Variants in IL1RAPL2 observed in about 807,000 individuals in gnomAD.
The protein encoded by IL1RAPL2 is X-linked interleukin-1 receptor accessory protein-like 2.
IL1RAPL2 carries 3 observed loss-of-function variants against 44.1 expected under a neutral mutation model. The ratio of observed to expected loss-of-function variants is 0.07; its 90% confidence interval spans 0.03 to 0.18. IL1RAPL2 has a LOEUF of 0.18. Ranked by LOEUF, IL1RAPL2 falls within the 10% of genes least tolerant of loss-of-function variation. The pLI is 1.00. For synonymous variants in IL1RAPL2, 181 were observed against 178.8 expected (o/e 1.01, Z -0.10); for missense variants, 391 against 496.4 (o/e 0.79, Z 2.02).
At chrX:105,030,732 CT>C (rs2031475991) in intron 2 of IL1RAPL2, among the ~76,000 whole-genome samples, 1 of 111,648 alleles carries the variant, frequency 9.0e-6, no homozygotes, top group South Asian at 3.7e-4. Context: ...AATGTGGGCT[CT>C]TTTTTGGTTC....
At chrX:104,715,692 A>AT (rs35422639) in intron 2 of IL1RAPL2, among the ~76,000 whole-genome samples, 1 of 107,146 alleles carries the variant, frequency 9.3e-6, no homozygotes, top group Non-Finnish European at 1.9e-5. Context: ...AAAAAAAAAA[A>AT]TAATAAAATA....
intron 2 of IL1RAPL2, among the ~76,000 whole-genome samples, chrX:104,976,928 C>G (rs901555550): frequency 4.7e-5 from 5 of 106,715 alleles, no homozygotes; most frequent in Non-Finnish European, 9.7e-5. Flanking sequence ...GCAAACAAAA[C>G]ATGCATTTTA....
chrX:105,242,719 A>T (rs2034181715), intron 4 of IL1RAPL2, among the ~76,000 whole-genome samples: 2 of 111,928 alleles, frequency 1.8e-5, no homozygotes, highest in Non-Finnish European at 3.8e-5. Context: ...AAAGACAAAA[A>T]CAAAACAAAA....
In IL1RAPL2 at chrX:104,986,308, G is replaced by A. The variant is rs754281811; in HGVS notation, c.83-209167G>A. Among the ~76,000 whole-genome samples the A allele has an allele frequency of 1.3e-4, 15 of 111,883 alleles. No homozygotes were observed. The South Asian group carries it at 4.8e-3, about 36-fold the overall frequency. ...TATAACCATGTTAAAGGCTTCTTTG[G>A]AGGATTAAATGAGATAAACCATGTT... On this transcript the variant is annotated intron_variant, in intron 2 of 10. Coordinates refer to ENST00000372582, the MANE Select transcript of IL1RAPL2 (RefSeq NM_017416.2).
chrX:104,675,491 C>T (rs1339582063), intron 2 of IL1RAPL2, among the ~76,000 whole-genome samples: 14 of 111,283 alleles, frequency 1.3e-4, no homozygotes, highest in African/African-American at 4.3e-4. Context: ...TGTTCTTTTA[C>T]ATTTGCTGAG....
At chrX:104,827,423 A>C (rs1921484678) in intron 2 of IL1RAPL2, among the ~76,000 whole-genome samples, 1 of 111,244 alleles carries the variant, frequency 9.0e-6, no homozygotes, top group African/African-American at 3.3e-5. Flanking sequence ...GGTTGAAAAT[A>C]CTTTTCTTTA....
intron 7 of IL1RAPL2, among the ~76,000 whole-genome samples, chrX:105,727,647 C>T (rs1390196778): frequency 9.0e-6 from 1 of 111,199 alleles, no homozygotes; most frequent in Non-Finnish European, 1.9e-5. Context: ...TTGGAATCTG[C>T]CTGCTAATAA....
chrX:105,088,882 A>G (rs1220252867), intron 2 of IL1RAPL2, among the ~76,000 whole-genome samples: 3 of 111,783 alleles, frequency 2.7e-5, no homozygotes, highest in African/African-American at 9.7e-5. Flanking sequence ...ATTGGTGTAC[A>G]TTAATAATGA....
At chrX:105,226,172 A>G (rs1475407203) in intron 3 of IL1RAPL2, among the ~76,000 whole-genome samples, 3 of 110,288 alleles carry the variant, frequency 2.7e-5, no homozygotes, top group African/African-American at 9.9e-5. Context: ...TACAAGTATC[A>G]CCTGATCCTC....
intron 6 of IL1RAPL2, among the ~76,000 whole-genome samples, chrX:105,627,465 A>C (rs1267588263): frequency 1.8e-5 from 2 of 111,399 alleles, no homozygotes; most frequent in Non-Finnish European, 3.8e-5. Flanking sequence ...GCTGCTTTCA[A>C]ACTAGAAAAT....
intron 2 of IL1RAPL2, among the ~76,000 whole-genome samples, chrX:105,092,223 T>C (rs1433233434): frequency 9.0e-6 from 1 of 111,444 alleles, no homozygotes; most frequent in African/African-American, 3.3e-5. Context: ...TGCACTCACT[T>C]CTGACACCAA....
Position 104,904,516 on chromosome X carries a change from T to C in IL1RAPL2, c.82+245521T>C, listed in dbSNP as rs1421174607. ...CCCTTCCTGTGTCCATGTGATCTCA[T>C]TGTTCAATTCCCATCTATGAGTGAG... On this transcript the variant is annotated intron_variant, in intron 2 of 10. Coordinates refer to ENST00000372582, the MANE Select transcript of IL1RAPL2 (RefSeq NM_017416.2). 6.4e-5 allele frequency among the ~76,000 whole-genome samples: 6 copies of C among 94,468 alleles called. No individual in the cohort carries two copies. The Admixed American group carries it at 7.8e-4, about 12-fold the overall frequency. The allele number at this position is 94,468 out of a possible 115,157, so 82.0% of individuals were successfully genotyped here.
chrX:105,156,340 A>T (rs954824989), intron 2 of IL1RAPL2, among the ~76,000 whole-genome samples: 3 of 112,157 alleles, frequency 2.7e-5, no homozygotes, highest in Non-Finnish European at 1.9e-5. Flanking sequence ...ACCACACCTG[A>T]GCCTCAGGTA....
At chrX:105,129,740 T>C (rs1010201374) in intron 2 of IL1RAPL2, among the ~76,000 whole-genome samples, 1 of 110,694 alleles carries the variant, frequency 9.0e-6, no homozygotes, top group South Asian at 3.9e-4. Context: ...TATTGTGAAA[T>C]AGGTGATCCT....
chrX:104,722,770 T>C (rs1472441828), intron 2 of IL1RAPL2, among the ~76,000 whole-genome samples: 1 of 111,593 alleles, frequency 9.0e-6, no homozygotes, highest in African/African-American at 3.2e-5. Flanking sequence ...ATGTACGAGT[T>C]GTCTGCAAAG....
chrX:104,978,819 T>A (rs1314125419), intron 2 of IL1RAPL2, among the ~76,000 whole-genome samples: 2 of 111,829 alleles, frequency 1.8e-5, no homozygotes, highest in Non-Finnish European at 3.8e-5. Flanking sequence ...AAAAAATGTA[T>A]TTTTTATTTT....
intron 2 of IL1RAPL2, among the ~76,000 whole-genome samples, chrX:104,694,728 C>G (rs979340074): frequency 2.7e-5 from 3 of 111,194 alleles, no homozygotes; most frequent in African/African-American, 9.8e-5. Context: ...ATTTTGTAAA[C>G]TAAGTTAGAG....
At chrX:105,367,064 C>T (rs1602379487) in intron 5 of IL1RAPL2, among the ~76,000 whole-genome samples, 1 of 111,576 alleles carries the variant, frequency 9.0e-6, no homozygotes, top group East Asian at 2.8e-4. Flanking sequence ...GAATTTACCC[C>T]TTTATTATTA....
intron 5 of IL1RAPL2, among the ~76,000 whole-genome samples, chrX:105,278,386 A>G (rs1039776318): frequency 1.8e-5 from 2 of 111,399 alleles, no homozygotes; most frequent in Non-Finnish European, 3.8e-5. Context: ...ACTCCTAGCT[A>G]TGTAGTTTCC....
Sources: allele counts gnomAD v4.1 joint callset (sites outside exome capture counted in the v4.1 genomes callset), GRCh38; gene constraint gnomAD v4.1.1; transcripts MANE v1.5; gene names NCBI Gene and HGNC (gene_info 2026-07-23, HGNC 2026-07-21).